Variants in NRDC observed in about 807,000 individuals in gnomAD.
The protein encoded by NRDC is nardilysin.
NRDC carries 54 observed loss-of-function variants against 147.1 expected under a neutral mutation model. That is an observed-to-expected ratio of 0.37 (90% CI 0.29 to 0.46). The LOEUF (loss-of-function observed/expected upper bound fraction) is 0.46. NRDC is among the 20% of genes least tolerant of loss of function. The pLI is 1.00. For synonymous variants in NRDC, 440 were observed against 482.1 expected (o/e 0.91, Z 1.14); for missense variants, 1,082 against 1,370.6 (o/e 0.79, Z 3.33).
At chr1:51,861,265 CTTTTT>C (rs71063057) in intron 1 of NRDC, among the ~76,000 whole-genome samples, 2 of 108,082 alleles carry the variant, frequency 1.9e-5, no homozygotes, top group African/African-American at 7.2e-5. Context: ...AGTGGTATTA[CTTTTT>C]TTTTTTTTTT....
intron 10 of NRDC, among the ~76,000 whole-genome samples, chr1:51,817,658 C>T (rs1467808721): frequency 1.3e-5 from 2 of 152,238 alleles, no homozygotes; most frequent in African/African-American, 4.8e-5. Context: ...TCTCGTGCCT[C>T]AGCCACCTGA....
intron 20 of NRDC, 117 bp from the exon 21 acceptor site, chr1:51,800,800 G>T: frequency 1.0e-6 from 1 of 971,992 alleles, no homozygotes; most frequent in Non-Finnish European, 1.5e-6. Context: ...GCATTGTGGG[G>T]GGACATAAGA....
At chr1:51,809,238 T>G (rs773892905) in intron 17 of NRDC, 77 bp downstream of exon 17, 2 of 899,370 alleles carry the variant, frequency 2.2e-6, no homozygotes, top group African/African-American at 3.3e-5. Flanking sequence ...CTACGATACT[T>G]TGTAAAATAT....
intron 1 of NRDC, among the ~76,000 whole-genome samples, chr1:51,869,412 C>A (rs576970528): frequency 6.6e-6 from 1 of 152,066 alleles, no homozygotes; most frequent in Non-Finnish European, 1.5e-5. Context: ...TTGCTGAATA[C>A]CATCCCTAAT....
At chr1:51,846,382 G>A (rs757232011) in intron 1 of NRDC, among the ~76,000 whole-genome samples, 37 of 152,184 alleles carry the variant, frequency 2.4e-4, no homozygotes, top group Non-Finnish European at 4.4e-4. Flanking sequence ...CCAAAGTGCA[G>A]GAATTACAGA....
chr1:51,878,194 C>T, intron 1 of NRDC, 81 bp downstream of exon 1: 1 of 1,483,964 alleles, frequency 6.7e-7, no homozygotes. Context: ...CATTGGGAGA[C>T]ATGGAGACAA....
chr1:51,846,116 A>ATT (rs57405511), intron 1 of NRDC, among the ~76,000 whole-genome samples: 4 of 146,682 alleles, frequency 2.7e-5, no homozygotes, highest in East Asian at 4.0e-4. Context: ...ACACTTTATA[A>ATT]TTTTTTTTTT....
intron 27 of NRDC, among the ~76,000 whole-genome samples, 153 bp from the exon 28 acceptor site, chr1:51,791,143 C>A (rs148573175): frequency 5.1e-4 from 78 of 152,266 alleles, no homozygotes; most frequent in African/African-American, 1.7e-3. Context: ...CCTCAGTATT[C>A]CACCTGACTT....
At chr1:51,819,974 A>G in intron 8 of NRDC, 101 bp from the exon 9 acceptor site, 2 of 864,454 alleles carry the variant, frequency 2.3e-6, no homozygotes, top group Non-Finnish European at 3.6e-6. Context: ...TCTATTCTAC[A>G]TACTCCTTCT....
intron 1 of NRDC, among the ~76,000 whole-genome samples, chr1:51,844,789 AG>A (rs1465409890): frequency 1.3e-5 from 1 of 78,242 alleles, no homozygotes; most frequent in Non-Finnish European, 2.4e-5. Flanking sequence ...GGAGGGGGGA[AG>A]GGGAGGAGGG....
At chr1:51,831,642 G>A (rs866359691) in intron 4 of NRDC, among the ~76,000 whole-genome samples, 19 of 150,850 alleles carry the variant, frequency 1.3e-4, no homozygotes, top group Middle Eastern at 3.5e-3. Flanking sequence ...ACAGTGGTGC[G>A]ATCTCAGCTC....
intron 14 of NRDC, 98 bp from the exon 15 acceptor site, chr1:51,812,196 A>C (rs1248654601): frequency 4.7e-6 from 4 of 847,184 alleles, no homozygotes; most frequent in Non-Finnish European, 5.8e-6. Context: ...ATTAACAATA[A>C]AACCAAAAGC....
intron 1 of NRDC, among the ~76,000 whole-genome samples, chr1:51,874,741 G>T (rs933648942): frequency 6.6e-6 from 1 of 152,098 alleles, no homozygotes; most frequent in Non-Finnish European, 1.5e-5. Context: ...CTTCCAGAAG[G>T]GAAGGGAATC....
In NRDC at chr1:51,840,257, G is replaced by T. The variant is rs201876426; in HGVS notation, c.599C>A (p.Ala200Glu). Residue 200 changes from alanine (A) to glutamate (E), a missense_variant, in exon 2 of 31, where the codon GCA becomes GAA. Physicochemically the swap from Ala to Glu is moderately radical, Grantham distance 107. Transcript: ENST00000352171. ...DNELEELEER[A>E]EARKKTTEKQ... ...TTCAGTAGTTTTTTTTCTAGCTTCT[G>T]CTCTCTCTTCTAATTCTTCCAATTC... The T allele has an allele frequency of 4.4e-6, 7 of 1,603,334 alleles. No individual in the cohort carries two copies. The highest frequency in any genetic ancestry group is 6.0e-6 in the Non-Finnish European group (7 of 1,175,934).
At chr1:51,791,304 T>G (rs898143869) in intron 27 of NRDC, among the ~76,000 whole-genome samples, 1 of 152,144 alleles carries the variant, frequency 6.6e-6, no homozygotes, top group Non-Finnish European at 1.5e-5. Context: ...CAGGCATCCT[T>G]TCCCTTCTTG....
At chr1:51,797,271 G>T (rs1678973413) in intron 22 of NRDC, among the ~76,000 whole-genome samples, 1 of 152,072 alleles carries the variant, frequency 6.6e-6, no homozygotes, top group Admixed American at 6.6e-5. Context: ...TAGATTTTCA[G>T]AACTTTTTCA....
intron 25 of NRDC, 60 bp from the exon 26 acceptor site, chr1:51,792,158 T>C (rs1490478492): frequency 6.2e-7 from 1 of 1,603,628 alleles, no homozygotes; most frequent in Non-Finnish European, 8.5e-7. Context: ...CCTCCATTTC[T>C]CTCCCCAGAG....
intron 1 of NRDC, among the ~76,000 whole-genome samples, chr1:51,865,500 AC>A (rs1354850349): frequency 1.3e-5 from 2 of 151,840 alleles, no homozygotes; most frequent in African/African-American, 2.4e-5. Flanking sequence ...ATGGGGTTTC[AC>A]CATGTTGGCC....
At chr1:51,806,947 T>C in intron 17 of NRDC, 34 bp from the exon 18 acceptor site, 1 of 1,602,372 alleles carries the variant, frequency 6.2e-7, no homozygotes, top group Non-Finnish European at 8.5e-7. Context: ...TTCACTCAAG[T>C]ATTTCAGCAG....
Sources: allele counts gnomAD v4.1 joint callset (sites outside exome capture counted in the v4.1 genomes callset), GRCh38; gene constraint gnomAD v4.1.1; transcripts MANE v1.5; gene names NCBI Gene and HGNC (gene_info 2026-07-23, HGNC 2026-07-21).